The following CNBD1 variants were observed in gnomAD, a reference collection of about 807,000 sequenced individuals.
CNBD1 encodes cyclic nucleotide-binding domain-containing protein 1.
CNBD1 carries 71 observed loss-of-function variants against 54.4 expected under a neutral mutation model. The ratio of observed to expected loss-of-function variants is 1.30; its 90% CI spans 1.08 to 1.59. The LOEUF is 1.59. CNBD1 is among the 40% of genes most tolerant of loss of function. CNBD1 has a pLI of 0.00. For missense variants in CNBD1, 659 were observed against 518.0 expected, an observed-to-expected ratio of 1.27 and a Z score of -2.64; for synonymous variants, 182 against 170.7, an observed-to-expected ratio of 1.07 and a Z score of -0.51.
chr8:87,225,514 T>C (rs887736103), intron 5 of CNBD1, among the ~76,000 whole-genome samples: 2 of 150,716 alleles, frequency 1.3e-5, no homozygotes, highest in African/African-American at 4.9e-5. Context: ...GTTTTTGTCT[T>C]TGGTTCTGTT....
chr8:86,913,556 T>A (rs1460732681), intron 3 of CNBD1, among the ~76,000 whole-genome samples: 1 of 152,136 alleles, frequency 6.6e-6, no homozygotes, highest in Non-Finnish European at 1.5e-5. Context: ...GGTTCTGTGA[T>A]GCCCCCTGAG....
At chr8:86,952,081 T>A (rs570709826) in intron 4 of CNBD1, among the ~76,000 whole-genome samples, 44 of 152,312 alleles carry the variant, frequency 2.9e-4, no homozygotes, top group Middle Eastern at 6.8e-3. Context: ...ACCATTTGTC[T>A]TCCATCTACC....
intron 3 of CNBD1, among the ~76,000 whole-genome samples, chr8:86,920,239 G>C (rs1020048758): frequency 6.6e-6 from 1 of 152,018 alleles, no homozygotes; most frequent in Admixed American, 6.6e-5. Flanking sequence ...AATTTTTTTG[G>C]TATATTTTAA....
rs557253390 is a variant in CNBD1, at chr8:87,034,881, C to T, written c.431+95127C>T. On this transcript the variant is annotated intron_variant, in intron 4 of 10. Transcript: ENST00000518476. ...ATATACATATATATAGATTTGGATGCGACCTTGTAATTCAGATATGTACAA... is the reference window on the plus strand; with the variant it reads ...ATATACATATATATAGATTTGGATGTGACCTTGTAATTCAGATATGTACAA... Among the ~76,000 whole-genome samples the T allele has an allele frequency of 1.4e-3, 208 of 152,096 alleles. 2 individuals are homozygous for T. Among genetic ancestry groups the T allele is most frequent in the South Asian group, 9.4e-3 (45 of 4,808 alleles).
chr8:87,103,547 AG>A (rs1286391419), intron 4 of CNBD1, among the ~76,000 whole-genome samples: 1 of 152,216 alleles, frequency 6.6e-6, no homozygotes, highest in Non-Finnish European at 1.5e-5. Context: ...TCACGGCAGA[AG>A]GGGAAGCAAA....
chr8:87,003,381 C>T (rs893088305), intron 4 of CNBD1, among the ~76,000 whole-genome samples: 2 of 152,076 alleles, frequency 1.3e-5, no homozygotes, highest in African/African-American at 4.8e-5. Flanking sequence ...GTTATTTCAT[C>T]ATGATGATAA....
intron 10 of CNBD1, among the ~76,000 whole-genome samples, chr8:87,356,875 T>A (rs1412944183): frequency 6.6e-6 from 1 of 152,098 alleles, no homozygotes; most frequent in Non-Finnish European, 1.5e-5. Flanking sequence ...CAGGCCCAGA[T>A]GCCTAGGAGG....
intron 2 of CNBD1, among the ~76,000 whole-genome samples, chr8:87,415,058 G>A (rs1807813676): frequency 6.6e-6 from 1 of 152,112 alleles, no homozygotes; most frequent in Non-Finnish European, 1.5e-5. Flanking sequence ...CAGATGGCAA[G>A]AAATGTGAGC....
intron 4 of CNBD1, among the ~76,000 whole-genome samples, chr8:87,177,789 T>G (rs1030871085): frequency 6.6e-6 from 1 of 152,220 alleles, no homozygotes; most frequent in African/African-American, 2.4e-5. Flanking sequence ...TAAATATCTA[T>G]TTTTTAATGT....
chr8:87,111,706 G>A (rs1046302169), intron 4 of CNBD1, among the ~76,000 whole-genome samples: 7 of 152,128 alleles, frequency 4.6e-5, no homozygotes, highest in East Asian at 3.9e-4. Flanking sequence ...TAGTACTCTC[G>A]TTCAGTGCTC....
chr8:86,983,687 G>C (rs1157174479), intron 4 of CNBD1, among the ~76,000 whole-genome samples: 1 of 152,164 alleles, frequency 6.6e-6, no homozygotes, highest in East Asian at 1.9e-4. Context: ...GTGATATTTT[G>C]TACCTGCTCT....
chr8:87,016,383 G>A (rs922788048), intron 4 of CNBD1, among the ~76,000 whole-genome samples: 3 of 150,388 alleles, frequency 2.0e-5, no homozygotes, highest in African/African-American at 4.9e-5. Flanking sequence ...TTCAATAAAT[G>A]TAAGGTTTTT....
chr8:86,959,967 T>G (rs1807884566), intron 4 of CNBD1, among the ~76,000 whole-genome samples: 1 of 152,160 alleles, frequency 6.6e-6, no homozygotes, highest in Admixed American at 6.5e-5. Context: ...TCTTCTCTGG[T>G]TTCTCCCCAT....
At chr8:86,978,417 G>A (rs1374545018) in intron 4 of CNBD1, among the ~76,000 whole-genome samples, 1 of 150,880 alleles carries the variant, frequency 6.6e-6, no homozygotes, top group Admixed American at 6.6e-5. Flanking sequence ...AAAAATTTTT[G>A]TCTCTAATTT....
At chr8:87,094,454 T>C (rs1215595497) in intron 4 of CNBD1, among the ~76,000 whole-genome samples, 1 of 151,720 alleles carries the variant, frequency 6.6e-6, no homozygotes, top group Non-Finnish European at 1.5e-5. Context: ...CTTTTTTTTT[T>C]TTCCCTGTCC....
At chr8:86,937,325 C>CTACA (rs1809567062) in intron 3 of CNBD1, among the ~76,000 whole-genome samples, 2 of 152,294 alleles carry the variant, frequency 1.3e-5, no homozygotes, top group African/African-American at 4.8e-5. Flanking sequence ...AATTAAGGAG[C>CTACA]TACAATTCAA....
At chr8:87,279,224 T>A (rs1347872895) in intron 6 of CNBD1, among the ~76,000 whole-genome samples, 1 of 151,366 alleles carries the variant, frequency 6.6e-6, no homozygotes, top group African/African-American at 2.4e-5. Flanking sequence ...TACACTTTAG[T>A]AAGACAAGGA....
chr8:87,275,329 G>A (rs952965226), intron 6 of CNBD1, among the ~76,000 whole-genome samples: 3 of 150,894 alleles, frequency 2.0e-5, no homozygotes, highest in Non-Finnish European at 4.4e-5. Flanking sequence ...TTGGTGGCTT[G>A]ATGGGGATAG....
intron 6 of CNBD1, among the ~76,000 whole-genome samples, chr8:87,282,777 A>G (rs1344342116): frequency 2.0e-5 from 3 of 152,030 alleles, no homozygotes; most frequent in Non-Finnish European, 4.4e-5. Flanking sequence ...CTAACTCCCT[A>G]AAACAATAGA....
Sources: allele counts gnomAD v4.1 joint callset (sites outside exome capture counted in the v4.1 genomes callset), GRCh38; gene constraint gnomAD v4.1.1; transcripts MANE v1.5; gene names NCBI Gene and HGNC (gene_info 2026-07-23, HGNC 2026-07-21).